DCUN1D1: variants seen among roughly 807,000 people sequenced by gnomAD.
DCUN1D1 encodes defective in cullin neddylation 1 domain containing 1.
A neutral mutation model predicts 39.0 loss-of-function variants in DCUN1D1; 3 were observed. The observed-to-expected ratio is 0.08, with a 90% CI of 0.04 to 0.20. The LOEUF (loss-of-function observed/expected upper bound fraction) is 0.20. DCUN1D1 is among the 10% of genes least tolerant of loss of function. The pLI is 1.00. For synonymous variants in DCUN1D1, 82 were observed against 96.3 expected (o/e 0.85, Z 0.87); for missense variants, 158 against 302.4 (o/e 0.52, Z 3.54).
chr3:182,977,652 T>A (rs1034621559), intron 1 of DCUN1D1, among the ~76,000 whole-genome samples: 11 of 151,562 alleles, frequency 7.3e-5, no homozygotes, highest in African/African-American at 2.7e-4. Flanking sequence ...GCCAGGCTGG[T>A]CTCAAACTCT....
intron 1 of DCUN1D1, among the ~76,000 whole-genome samples, chr3:182,979,600 T>TCC (rs1553846258): frequency 8.0e-5 from 11 of 137,106 alleles, no homozygotes; most frequent in African/African-American, 2.8e-4. Context: ...GAGGACTTTT[T>TCC]CCCCCCCCCA....
At chr3:182,961,852 A>T (rs1727414781) in intron 3 of DCUN1D1, among the ~76,000 whole-genome samples, 1 of 152,136 alleles carries the variant, frequency 6.6e-6, no homozygotes, top group Non-Finnish European at 1.5e-5. Flanking sequence ...ACCTCCTACC[A>T]CCTCCAACTG....
At chr3:182,967,306 G>A (rs377270293) in intron 1 of DCUN1D1, among the ~76,000 whole-genome samples, 67 of 151,924 alleles carry the variant, frequency 4.4e-4, no homozygotes, top group African/African-American at 1.5e-3. Flanking sequence ...AATCACTCAG[G>A]TTGTTATTAG....
chr3:182,949,001 TCA>T (rs1280502098), intron 4 of DCUN1D1, among the ~76,000 whole-genome samples: 1 of 145,486 alleles, frequency 6.9e-6, no homozygotes, highest in Non-Finnish European at 1.5e-5. Flanking sequence ...TGAGCCAAGA[TCA>T]CACCACTCCA....
At chr3:182,983,168 C>A (rs1728615092), upstream of DCUN1D1, among the ~76,000 whole-genome samples, 1 of 152,174 alleles carries the variant, frequency 6.6e-6, no homozygotes, top group Non-Finnish European at 1.5e-5. Context: ...CACCCAAATG[C>A]ACCTCATATT....
intron 1 of DCUN1D1, among the ~76,000 whole-genome samples, chr3:182,970,089 G>A (rs1046781543): frequency 1.3e-5 from 2 of 151,914 alleles, no homozygotes; most frequent in South Asian, 2.1e-4. Flanking sequence ...TGAGACTGTC[G>A]CTACAAAAAT....
intron 1 of DCUN1D1, among the ~76,000 whole-genome samples, chr3:182,971,024 C>A (rs1727909410): frequency 6.6e-6 from 1 of 152,210 alleles, no homozygotes. Flanking sequence ...CTATCTCTTT[C>A]CTTCTACCTG....
chr3:182,950,624 T>G (rs529687188), intron 4 of DCUN1D1, among the ~76,000 whole-genome samples: 1 of 152,100 alleles, frequency 6.6e-6, no homozygotes, highest in East Asian at 1.9e-4. Context: ...ACAGGTAACC[T>G]TGAAATAGCA....
chr3:182,979,896 C>T (rs1047587082), intron 1 of DCUN1D1, among the ~76,000 whole-genome samples: 9 of 152,112 alleles, frequency 5.9e-5, no homozygotes, highest in Non-Finnish European at 1.0e-4. Context: ...TGGGACGCCT[C>T]GAGAGGTGAT....
chr3:182,975,826 G>A (rs1728205969), intron 1 of DCUN1D1, among the ~76,000 whole-genome samples: 2 of 125,702 alleles, frequency 1.6e-5, no homozygotes, highest in South Asian at 2.4e-4. Flanking sequence ...ATTTAGAATC[G>A]CTAAGCCTTC....
chr3:182,965,481 C>A (rs1727624988), intron 2 of DCUN1D1, 56 bp downstream of exon 2: 2 of 1,147,188 alleles, frequency 1.7e-6, no homozygotes, highest in South Asian at 1.4e-5. Context: ...CTCATAAGCC[C>A]ATCTCTTTGG....
chr3:182,971,775 T>A (rs1385137098), intron 1 of DCUN1D1, among the ~76,000 whole-genome samples: 1 of 152,132 alleles, frequency 6.6e-6, no homozygotes, highest in Non-Finnish European at 1.5e-5. Flanking sequence ...ATTCAAAAAG[T>A]AGCAGAGCCA....
chr3:182,966,506 C>A (rs1476304617), intron 1 of DCUN1D1, among the ~76,000 whole-genome samples: 1 of 152,114 alleles, frequency 6.6e-6, no homozygotes, highest in East Asian at 1.9e-4. Context: ...CCTTCTACTT[C>A]TTCTCAGAGA....
chr3:182,961,749 A>C (rs1001128083), intron 3 of DCUN1D1, among the ~76,000 whole-genome samples: 29 of 152,206 alleles, frequency 1.9e-4, no homozygotes, highest in African/African-American at 7.0e-4. Flanking sequence ...TACTATCTAA[A>C]TTAACTAAAA....
At chr3:182,973,761 T>C (rs969965690) in intron 1 of DCUN1D1, among the ~76,000 whole-genome samples, 2 of 150,496 alleles carry the variant, frequency 1.3e-5, no homozygotes, top group Admixed American at 6.6e-5. Context: ...GAGCTGAAAT[T>C]GTGCCATTGC....
At chr3:182,964,558 C>G (rs1200511001) in intron 2 of DCUN1D1, among the ~76,000 whole-genome samples, 5 of 148,190 alleles carry the variant, frequency 3.4e-5, no homozygotes, top group Non-Finnish European at 5.9e-5. Context: ...ATCAGAGAGG[C>G]AAAAATTTTA....
chr3:182,974,912 G>C lies in DCUN1D1; in HGVS notation c.3+5575C>G, dbSNP rs1006861592. ...CTTCTGTTTTGCTTTTTCTTGTGGGGGTGGGCGCACACCTAAAGTGGCTAT... is the reference window on the plus strand; with the variant it reads ...CTTCTGTTTTGCTTTTTCTTGTGGGCGTGGGCGCACACCTAAAGTGGCTAT... On this transcript the variant is annotated intron_variant, in intron 1 of 6. Transcript: ENST00000292782. 8.5e-5 allele frequency among the ~76,000 whole-genome samples: 13 copies of C among 152,072 alleles called. No individual in the cohort carries two copies. The South Asian group carries it at 2.7e-3, about 32-fold the overall frequency.
intron 4 of DCUN1D1, among the ~76,000 whole-genome samples, chr3:182,950,557 G>A (rs955064752): frequency 3.3e-5 from 5 of 151,858 alleles, no homozygotes; most frequent in African/African-American, 7.3e-5. Context: ...TCACTCTGTA[G>A]CTCTCTTGGA....
At chr3:182,971,510 C>T (rs1236617120) in intron 1 of DCUN1D1, among the ~76,000 whole-genome samples, 2 of 150,902 alleles carry the variant, frequency 1.3e-5, no homozygotes, top group Non-Finnish European at 2.9e-5. Context: ...GAGATAGAGG[C>T]TGCAGTGAGC....
Sources: allele counts gnomAD v4.1 joint callset (sites outside exome capture counted in the v4.1 genomes callset), GRCh38; gene constraint gnomAD v4.1.1; transcripts MANE v1.5; gene names NCBI Gene and HGNC (gene_info 2026-07-23, HGNC 2026-07-21).